Variants in CPNE4 observed in about 807,000 individuals in gnomAD.
CPNE4 encodes copine-4.
In CPNE4, 25 loss-of-function variants were observed where a neutral mutation model predicts 67.9. That is an observed-to-expected ratio of 0.37 (90% CI 0.27 to 0.51). The LOEUF (loss-of-function observed/expected upper bound fraction) is 0.51, where lower values mean the gene tolerates loss of function less well. Ranked by LOEUF, CPNE4 falls within the 20% of genes least tolerant of loss-of-function variation. The pLI is 0.93. For missense variants in CPNE4, 464 were observed against 690.8 expected, an observed-to-expected ratio of 0.67 and a Z score of 3.68; for synonymous variants, 242 against 244.9, an observed-to-expected ratio of 0.99 and a Z score of 0.11.
At chr3:131,866,374 A>G (rs1009288064) in intron 2 of CPNE4, among the ~76,000 whole-genome samples, 1 of 152,196 alleles carries the variant, frequency 6.6e-6, no homozygotes, top group African/African-American at 2.4e-5. Context: ...GGCCTTTTTC[A>G]TGGTTGAAAA....
chr3:131,826,255 T>C (rs1200975153), intron 2 of CPNE4, among the ~76,000 whole-genome samples: 3 of 152,086 alleles, frequency 2.0e-5, no homozygotes, highest in Admixed American at 1.3e-4. Flanking sequence ...AGTGCAGTAG[T>C]GCAGTTTGGC....
chr3:131,969,563 T>G (rs1031098664), intron 1 of CPNE4, among the ~76,000 whole-genome samples: 1 of 152,158 alleles, frequency 6.6e-6, no homozygotes, highest in African/African-American at 2.4e-5. Context: ...TGAGGCTGTT[T>G]TCTGATTTTT....
chr3:131,823,987 C>T (rs893793122), intron 2 of CPNE4, among the ~76,000 whole-genome samples: 1 of 152,132 alleles, frequency 6.6e-6, no homozygotes, highest in Non-Finnish European at 1.5e-5. Flanking sequence ...TGAATGAGGG[C>T]TTGTTTCTTG....
intron 2 of CPNE4, among the ~76,000 whole-genome samples, chr3:131,879,051 G>A (rs538094004): frequency 1.2e-4 from 18 of 152,300 alleles, no homozygotes; most frequent in Middle Eastern, 3.4e-3. Context: ...GATATCGTGC[G>A]TCTGTTTCAT....
At chr3:131,898,679 T>C (rs1583422182) in intron 2 of CPNE4, among the ~76,000 whole-genome samples, 2 of 152,180 alleles carry the variant, frequency 1.3e-5, no homozygotes, top group African/African-American at 4.8e-5. Context: ...CACTTAAAAG[T>C]TGAACATCAT....
intron 2 of CPNE4, among the ~76,000 whole-genome samples, chr3:131,792,549 T>C (rs2083754870): frequency 6.7e-6 from 1 of 149,116 alleles, no homozygotes; most frequent in Non-Finnish European, 1.5e-5. Flanking sequence ...TCCCAATGTG[T>C]ACCTGCCGAC....
At chr3:131,896,148 A>G (rs974231657) in intron 2 of CPNE4, among the ~76,000 whole-genome samples, 1 of 152,104 alleles carries the variant, frequency 6.6e-6, no homozygotes, top group Admixed American at 6.6e-5. Context: ...ATTCATATCC[A>G]ATAATGGAAA....
chr3:131,927,672 C>G (rs1225046), intron 1 of CPNE4, among the ~76,000 whole-genome samples: 29,040 of 152,012 alleles, frequency 0.19, 3,456 homozygotes, highest in Non-Finnish European at 0.25. Context: ...CTTTTTGTCC[C>G]CTGTGTAAAA....
At chr3:131,544,272 C>T (rs1434680739) in intron 14 of CPNE4, among the ~76,000 whole-genome samples, 3 of 152,130 alleles carry the variant, frequency 2.0e-5, no homozygotes, top group African/African-American at 7.2e-5. Flanking sequence ...ATTTTGAAAA[C>T]ATCTGATTTT....
At chr3:131,760,766 C>T (rs1314798444) in intron 2 of CPNE4, among the ~76,000 whole-genome samples, 1 of 152,274 alleles carries the variant, frequency 6.6e-6, no homozygotes, top group East Asian at 1.9e-4. Flanking sequence ...ATACGTGACA[C>T]TTTTTCTTTT....
intron 2 of CPNE4, among the ~76,000 whole-genome samples, chr3:131,856,573 G>A (rs1018160610): frequency 2.0e-5 from 3 of 152,084 alleles, no homozygotes; most frequent in South Asian, 4.1e-4. Context: ...CAGTTTCTGC[G>A]CTAAGGTCCT....
chr3:131,936,919 A>G (rs1388120852), intron 1 of CPNE4, among the ~76,000 whole-genome samples: 3 of 151,846 alleles, frequency 2.0e-5, no homozygotes, highest in Non-Finnish European at 1.5e-5. Context: ...AGAAGAGTAC[A>G]TAAGACAGCA....
chr3:131,688,555 C>T lies in CPNE4; in HGVS notation c.508-2597G>A, dbSNP rs141761422. Among the ~76,000 whole-genome samples, 368 of 152,270 alleles carry T rather than the reference C, an allele frequency of 2.4e-3. 1 individual carries two copies. The highest frequency in any genetic ancestry group is 8.6e-3 in the African/African-American group (357 of 41,536). ...GCTACAGTAGCTTGTTCCTACGTGC[C>T]CTTGGGCTCCTCCTGTAACTTCACG... On this transcript the variant is annotated intron_variant, in intron 5 of 15. Transcript: ENST00000429747.
chr3:131,543,496 G>A (rs1935639264), intron 14 of CPNE4, among the ~76,000 whole-genome samples: 1 of 152,066 alleles, frequency 6.6e-6, no homozygotes, highest in African/African-American at 2.4e-5. Flanking sequence ...TGATAACTTA[G>A]CATCCAAATT....
intron 6 of CPNE4, among the ~76,000 whole-genome samples, chr3:131,676,540 T>G (rs1429049167): frequency 6.6e-6 from 1 of 152,222 alleles, no homozygotes; most frequent in South Asian, 2.1e-4. Flanking sequence ...TACCACCTTC[T>G]GCCCTCTGAT....
At chr3:131,836,101 G>A (rs2085547770) in intron 2 of CPNE4, among the ~76,000 whole-genome samples, 1 of 152,170 alleles carries the variant, frequency 6.6e-6, no homozygotes, top group Non-Finnish European at 1.5e-5. Context: ...CTGGTTTCAG[G>A]TTGGCCTCTG....
At chr3:131,584,957 T>C (rs527796082) in intron 8 of CPNE4, among the ~76,000 whole-genome samples, 1 of 152,342 alleles carries the variant, frequency 6.6e-6, no homozygotes, top group East Asian at 1.9e-4. Context: ...TCTGACCACA[T>C]CCTATGAATG....
chr3:132,008,394 C>T (rs565624679), intron 1 of CPNE4, among the ~76,000 whole-genome samples: 1 of 152,288 alleles, frequency 6.6e-6, no homozygotes, highest in South Asian at 2.1e-4. Context: ...TTTGCAACTT[C>T]TAATACATTA....
At chr3:131,582,917 C>A (rs939375235) in intron 8 of CPNE4, among the ~76,000 whole-genome samples, 1 of 152,114 alleles carries the variant, frequency 6.6e-6, no homozygotes, top group Non-Finnish European at 1.5e-5. Flanking sequence ...GCCAACCTAG[C>A]GAATGTTGAG....
Sources: allele counts gnomAD v4.1 joint callset (sites outside exome capture counted in the v4.1 genomes callset), GRCh38; gene constraint gnomAD v4.1.1; transcripts MANE v1.5; gene names NCBI Gene and HGNC (gene_info 2026-07-23, HGNC 2026-07-21).